The following CDKAL1 variants were observed in gnomAD, a reference collection of about 807,000 sequenced individuals.
The protein encoded by CDKAL1 is CDKAL1 threonylcarbamoyladenosine tRNA methylthiotransferase, also known as threonylcarbamoyladenosine tRNA methylthiotransferase.
In CDKAL1, 32 loss-of-function variants were observed where a neutral mutation model predicts 68.2. The ratio of observed to expected loss-of-function variants is 0.47; its 90% confidence interval spans 0.35 to 0.63. CDKAL1 has a LOEUF of 0.63. CDKAL1 is among the 30% of genes least tolerant of loss of function. The probability of loss-of-function intolerance (pLI) is 0.00; values close to 1 mark genes in which losing one functional copy is unlikely to be tolerated. For missense variants in CDKAL1, 606 were observed against 696.7 expected, an observed-to-expected ratio of 0.87 and a Z score of 1.47; for synonymous variants, 234 against 244.3, an observed-to-expected ratio of 0.96 and a Z score of 0.39.
At chr6:20,736,771 C>CAA (rs776775631) in intron 5 of CDKAL1, among the ~76,000 whole-genome samples, 10,327 of 139,896 alleles carry the variant, frequency 0.074, 489 homozygotes, top group African/African-American at 0.14. Flanking sequence ...GACTCTGCCT[C>CAA]AAAAAAAAAA....
At chr6:21,096,577 G>A (rs1288344350) in intron 12 of CDKAL1, among the ~76,000 whole-genome samples, 1 of 152,088 alleles carries the variant, frequency 6.6e-6, no homozygotes, top group East Asian at 1.9e-4. Context: ...GTTGCACAGT[G>A]TTACTCTCTC....
rs533561427 is a variant in CDKAL1, at chr6:21,170,306, T to C, written c.1300-27715T>C. ...ATTAGTTTTCTTATTTTAAATACAGTGTCTACTTATGAGGTTGGTTGGTTG... is the reference window on the plus strand; with the variant it reads ...ATTAGTTTTCTTATTTTAAATACAGCGTCTACTTATGAGGTTGGTTGGTTG... On this transcript the variant is annotated intron_variant, in intron 13 of 15. Transcript: ENST00000274695. Among the ~76,000 whole-genome samples, 59 of 152,202 alleles carry C rather than the reference T, an allele frequency of 3.9e-4. No homozygotes were observed. In the South Asian group the frequency reaches 0.012, roughly 31 times the overall value.
intron 4 of CDKAL1, among the ~76,000 whole-genome samples, chr6:20,623,662 A>G (rs1767294590): frequency 1.3e-5 from 2 of 152,088 alleles, no homozygotes; most frequent in Non-Finnish European, 2.9e-5. Context: ...TAATAGGGGA[A>G]TATTTGTTGG....
intron 9 of CDKAL1, among the ~76,000 whole-genome samples, chr6:20,880,159 T>C (rs1240059212): frequency 6.6e-6 from 1 of 152,266 alleles, no homozygotes; most frequent in African/African-American, 2.4e-5. Flanking sequence ...AGAAATTAGC[T>C]ACAGGCTTCG....
chr6:20,913,017 A>T (rs1762535856), intron 9 of CDKAL1, among the ~76,000 whole-genome samples: 1 of 152,078 alleles, frequency 6.6e-6, no homozygotes, highest in African/African-American at 2.4e-5. Flanking sequence ...GAAAACAAAA[A>T]AAAGTGTTGA....
At chr6:20,720,749 C>T (rs944671259) in intron 5 of CDKAL1, among the ~76,000 whole-genome samples, 6 of 152,218 alleles carry the variant, frequency 3.9e-5, no homozygotes, top group Admixed American at 6.5e-5. Context: ...ATCTGCCCAC[C>T]TCTGCCTCCC....
intron 4 of CDKAL1, among the ~76,000 whole-genome samples, chr6:20,623,002 T>G (rs1195873739): frequency 6.6e-6 from 1 of 152,134 alleles, no homozygotes; most frequent in Non-Finnish European, 1.5e-5. Flanking sequence ...AGTATTTTTA[T>G]GTCTAAGCAT....
At chr6:21,200,917 A>G (rs1778661795) in intron 14 of CDKAL1, 193 bp from the exon 15 acceptor site, 2 of 453,624 alleles carry the variant, frequency 4.4e-6, no homozygotes, top group Non-Finnish European at 3.9e-6. Flanking sequence ...AATAATATTA[A>G]TATATCAATT....
rs374732449 is a variant in CDKAL1, at chr6:20,683,114, A to C, written c.371+33737A>C. Among the ~76,000 whole-genome samples the C allele has an allele frequency of 5.9e-5, 9 of 152,036 alleles. 1 individual carries two copies. Among genetic ancestry groups the C allele is most frequent in the African/African-American group, 1.9e-4 (8 of 41,498 alleles). Reference sequence around the variant, plus strand: ...AGTAGCTGGAACTACAGGTGCACACACTGTGCCTGTCTTATATTTTATTGA... The same window carrying C: ...AGTAGCTGGAACTACAGGTGCACACCCTGTGCCTGTCTTATATTTTATTGA... On this transcript the variant is annotated intron_variant, in intron 5 of 15. Coordinates refer to ENST00000274695, the MANE Select transcript of CDKAL1 (RefSeq NM_017774.3).
chr6:20,995,388 T>C (rs1767049346), intron 10 of CDKAL1, among the ~76,000 whole-genome samples: 1 of 152,232 alleles, frequency 6.6e-6, no homozygotes, highest in Admixed American at 6.5e-5. Context: ...ATGGCAGTTA[T>C]AGCCTTACAA....
At chr6:20,835,891 G>A (rs369949113) in intron 8 of CDKAL1, among the ~76,000 whole-genome samples, 28 of 152,170 alleles carry the variant, frequency 1.8e-4, no homozygotes, top group African/African-American at 4.8e-4. Flanking sequence ...CTGAAAAATG[G>A]AGCTTCTACT....
intron 14 of CDKAL1, among the ~76,000 whole-genome samples, chr6:21,199,282 G>A (rs1266181082): frequency 6.6e-6 from 1 of 152,198 alleles, no homozygotes; most frequent in Non-Finnish European, 1.5e-5. Flanking sequence ...AGACTGGGCA[G>A]TGCGTCCCCA....
At chr6:20,881,657 C>T (rs1271625245) in intron 9 of CDKAL1, among the ~76,000 whole-genome samples, 1 of 152,106 alleles carries the variant, frequency 6.6e-6, no homozygotes, top group East Asian at 1.9e-4. Flanking sequence ...CCTCTTTGAG[C>T]GATTCCTAAA....
intron 9 of CDKAL1, among the ~76,000 whole-genome samples, chr6:20,857,863 G>A (rs1392077381): frequency 6.6e-6 from 1 of 152,036 alleles, no homozygotes; most frequent in African/African-American, 2.4e-5. Context: ...ATTCTTTTTG[G>A]GGAATTTCTT....
chr6:20,862,677 G>A (rs1394010568), intron 9 of CDKAL1, among the ~76,000 whole-genome samples: 5 of 151,880 alleles, frequency 3.3e-5, no homozygotes, highest in African/African-American at 9.7e-5. Flanking sequence ...GCGTGCATGC[G>A]CGCGTGCGCA....
At position 20,861,013 on chromosome 6, in the gene CDKAL1, G is replaced by A. The variant is rs116278228; in HGVS notation, c.742+14835G>A. On this transcript the variant is annotated intron_variant, in intron 9 of 15. Transcript: ENST00000274695. Reference sequence around the variant, plus strand: ...CTCTACAACCTCATCCTATTAGGAGGGTAAGAACTTTCCCTAAATACCTTT... The same window carrying A: ...CTCTACAACCTCATCCTATTAGGAGAGTAAGAACTTTCCCTAAATACCTTT... 8.4e-3 allele frequency among the ~76,000 whole-genome samples: 1,267 copies of A among 151,042 alleles called. 21 individuals carry two copies. The highest frequency in any genetic ancestry group is 0.029 in the African/African-American group (1,191 of 41,114).
intron 13 of CDKAL1, among the ~76,000 whole-genome samples, chr6:21,149,225 C>G (rs932507259): frequency 8.5e-5 from 13 of 152,224 alleles, no homozygotes; most frequent in African/African-American, 2.9e-4. Flanking sequence ...CCACAACTTC[C>G]ACCTCTCAGG....
intron 10 of CDKAL1, among the ~76,000 whole-genome samples, chr6:20,966,214 G>A (rs796166781): frequency 6.6e-6 from 1 of 152,134 alleles, no homozygotes; most frequent in African/African-American, 2.4e-5. Context: ...ATACTAAATT[G>A]TTGCTTTTAG....
At chr6:20,966,233 T>C (rs1053620990) in intron 10 of CDKAL1, among the ~76,000 whole-genome samples, 42 of 152,372 alleles carry the variant, frequency 2.8e-4, no homozygotes, top group African/African-American at 1.0e-3. Context: ...AGGTCTGATG[T>C]ACATCTGTTC....
Sources: allele counts gnomAD v4.1 joint callset (sites outside exome capture counted in the v4.1 genomes callset), GRCh38; gene constraint gnomAD v4.1.1; transcripts MANE v1.5; gene names NCBI Gene and HGNC (gene_info 2026-07-23, HGNC 2026-07-21).